NELL1: variants seen among roughly 807,000 people sequenced by gnomAD.
NELL1 encodes the protein neural EGFL like 1, also known as protein kinase C-binding protein NELL1.
In NELL1, 76 loss-of-function variants were observed where a neutral mutation model predicts 107.4. That is an observed-to-expected ratio of 0.71 (90% CI 0.59 to 0.86). The LOEUF (loss-of-function observed/expected upper bound fraction) is 0.86, where lower values mean the gene tolerates loss of function less well. Ranked by LOEUF, NELL1 falls within the 40% of genes least tolerant of loss-of-function variation. The pLI, the probability that NELL1 is intolerant of heterozygous loss-of-function variation, is 0.00. For synonymous variants in NELL1, 353 were observed against 341.2 expected (o/e 1.03, Z -0.38); for missense variants, 1,024 against 1,005.5 (o/e 1.02, Z -0.25).
intron 15 of NELL1, among the ~76,000 whole-genome samples, chr11:21,373,667 A>G (rs1402198742): frequency 2.6e-5 from 4 of 152,108 alleles, no homozygotes; most frequent in Non-Finnish European, 5.9e-5. Context: ...TGTGTTTGGT[A>G]TGTAACACAC....
At chr11:21,142,993 G>T (rs1855900899) in intron 13 of NELL1, among the ~76,000 whole-genome samples, 1 of 152,318 alleles carries the variant, frequency 6.6e-6, no homozygotes, top group African/African-American at 2.4e-5. Context: ...TAAGTAAAAT[G>T]AAGTAGAAAT....
At chr11:21,177,335 T>A (rs1856734627) in intron 13 of NELL1, among the ~76,000 whole-genome samples, 1 of 151,932 alleles carries the variant, frequency 6.6e-6, no homozygotes, top group African/African-American at 2.4e-5. Context: ...TTTTTTAGAT[T>A]CCACATAGAT....
At chr11:21,327,464 C>T (rs1184662604) in intron 14 of NELL1, among the ~76,000 whole-genome samples, 1 of 152,074 alleles carries the variant, frequency 6.6e-6, no homozygotes, top group South Asian at 2.1e-4. Context: ...TGTAAGTTTC[C>T]TGAGGCCTCC....
At chr11:20,696,699 T>G (rs1041074944) in intron 2 of NELL1, among the ~76,000 whole-genome samples, 1 of 152,180 alleles carries the variant, frequency 6.6e-6, no homozygotes, top group East Asian at 1.9e-4. Flanking sequence ...CATCTTACCA[T>G]TTATTTTTTG....
At chr11:21,438,253 A>C (rs1422358101) in intron 15 of NELL1, among the ~76,000 whole-genome samples, 2 of 129,720 alleles carry the variant, frequency 1.5e-5, no homozygotes, top group African/African-American at 6.1e-5. Flanking sequence ...GTATTCTTAC[A>C]TGACAGTTTT....
chr11:20,973,897 T>C (rs1396534144), intron 12 of NELL1, among the ~76,000 whole-genome samples: 3 of 152,212 alleles, frequency 2.0e-5, no homozygotes, highest in African/African-American at 7.2e-5. Flanking sequence ...TCCTCAAAAC[T>C]CTAATGGGAA....
intron 3 of NELL1, among the ~76,000 whole-genome samples, chr11:20,801,687 T>C (rs1164887523): frequency 6.6e-6 from 1 of 152,222 alleles, no homozygotes; most frequent in East Asian, 1.9e-4. Flanking sequence ...CCCAATGTTT[T>C]CTTTTAGTAG....
chr11:21,316,891 C>T (rs187139188), intron 14 of NELL1, among the ~76,000 whole-genome samples: 7 of 152,086 alleles, frequency 4.6e-5, no homozygotes, highest in African/African-American at 1.4e-4. Flanking sequence ...ATAATGAAAA[C>T]GATTCATAAG....
Position 21,236,479 on chromosome 11 carries a change from A to G in NELL1, c.1549+7025A>G, listed in dbSNP as rs943140143. Among the ~76,000 whole-genome samples the G allele has an allele frequency of 3.3e-5, 5 of 152,216 alleles. No homozygotes were observed. In the East Asian group the frequency reaches 9.6e-4, roughly 29 times the overall value. On this transcript the variant is annotated intron_variant, in intron 14 of 19. Coordinates refer to ENST00000357134, the MANE Select transcript of NELL1 (RefSeq NM_006157.5). The stretch of plus-strand genomic sequence containing the variant: ...TGTGAAGCAAATTTTTATGTATTAC[A>G]TATTTTAATGTTTTGGAAAATCATC...
chr11:21,390,547 G>T (rs558624407), intron 15 of NELL1, among the ~76,000 whole-genome samples: 1 of 145,652 alleles, frequency 6.9e-6, no homozygotes, highest in Non-Finnish European at 1.5e-5. Flanking sequence ...ACGTGCGCAC[G>T]CACCCAAACA....
intron 14 of NELL1, among the ~76,000 whole-genome samples, chr11:21,353,259 T>C (rs953456936): frequency 6.6e-6 from 1 of 152,214 alleles, no homozygotes; most frequent in South Asian, 2.1e-4. Flanking sequence ...AACTTGCTAC[T>C]GGTGAACAGT....
intron 12 of NELL1, among the ~76,000 whole-genome samples, chr11:21,007,186 C>CT: frequency 6.6e-6 from 1 of 152,138 alleles, no homozygotes. Context: ...CACCTCACAT[C>CT]TTTCCCTTAT....
intron 13 of NELL1, among the ~76,000 whole-genome samples, chr11:21,185,293 C>CT (rs11446941): frequency 0.69 from 81,826 of 118,476 alleles, 30,456 homozygotes; most frequent in Non-Finnish European, 0.8. Context: ...ATTCCAGTAT[C>CT]TTTTTTTTTT....
chr11:21,006,982 A>T (rs1029738723), intron 12 of NELL1, among the ~76,000 whole-genome samples: 2 of 152,122 alleles, frequency 1.3e-5, no homozygotes, highest in African/African-American at 4.8e-5. Context: ...TACCTGTTGG[A>T]GGGGTAGCTG....
At chr11:20,872,164 A>G (rs952409887) in intron 4 of NELL1, among the ~76,000 whole-genome samples, 4 of 142,126 alleles carry the variant, frequency 2.8e-5, no homozygotes, top group African/African-American at 1.0e-4. Context: ...TGAGTCCTCT[A>G]TCAGAGATTT....
chr11:21,182,370 G>T (rs182839737), intron 13 of NELL1, among the ~76,000 whole-genome samples: 61 of 151,492 alleles, frequency 4.0e-4, no homozygotes, highest in Admixed American at 1.8e-3. Context: ...GGGAGGTGGA[G>T]GTTGCAGTGA....
intron 16 of NELL1, among the ~76,000 whole-genome samples, chr11:21,551,890 A>G (rs1457096690): frequency 6.7e-6 from 1 of 149,146 alleles, no homozygotes. Context: ...ACCAACCCAA[A>G]TGTCCAACAA....
At chr11:21,089,699 G>A (rs990757221) in intron 12 of NELL1, among the ~76,000 whole-genome samples, 1 of 152,310 alleles carries the variant, frequency 6.6e-6, no homozygotes, top group East Asian at 1.9e-4. Flanking sequence ...GAAAGATTGA[G>A]GCAGTCTCTG....
intron 12 of NELL1, among the ~76,000 whole-genome samples, chr11:21,071,737 C>T (rs1385615564): frequency 1.3e-5 from 2 of 152,158 alleles, no homozygotes; most frequent in Non-Finnish European, 2.9e-5. Flanking sequence ...TGGATGCAGA[C>T]ATCAGGAATC....
Sources: gnomAD v4.1 joint callset for allele counts (sites outside exome capture counted in the v4.1 genomes callset) on GRCh38, gnomAD v4.1.1 for gene constraint, MANE v1.5 for transcripts, NCBI Gene and HGNC (gene_info 2026-07-23, HGNC 2026-07-21) for gene names.